MYO1D: variants seen among roughly 807,000 people sequenced by gnomAD.
The protein encoded by MYO1D is unconventional myosin-Id.
A neutral mutation model predicts 122.0 loss-of-function variants in MYO1D; 83 were observed. The observed-to-expected ratio is 0.68, with a 90% confidence interval of 0.57 to 0.82. The LOEUF is 0.82. Among genes scored for constraint, MYO1D ranks in the 40% least tolerant of loss-of-function variants. The pLI, the probability that MYO1D is intolerant of heterozygous loss-of-function variation, is 0.00. For missense variants in MYO1D, 1,157 were observed against 1,269.5 expected (o/e 0.91, Z 1.35); for synonymous variants, 464 against 446.9 (o/e 1.04, Z -0.48).
intron 20 of MYO1D, among the ~76,000 whole-genome samples, chr17:32,622,897 C>T (rs1597943885): frequency 1.3e-5 from 2 of 152,346 alleles, no homozygotes; most frequent in South Asian, 2.1e-4. Flanking sequence ...AATTCAACAA[C>T]CACCCATCTG....
intron 16 of MYO1D, among the ~76,000 whole-genome samples, chr17:32,669,865 C>A (rs78031038): frequency 6.6e-6 from 1 of 151,632 alleles, no homozygotes; most frequent in Non-Finnish European, 1.5e-5. Flanking sequence ...AAGAGGCATA[C>A]ACATTTGTCA....
Position 32,738,333 on chromosome 17 carries a change from C to T in MYO1D, c.1666G>A (p.Glu556Lys), listed in dbSNP as rs1415556124. Residue 556 changes from glutamate (E) to lysine (K), a missense_variant, in exon 14 of 22, where the codon GAG (glutamate) becomes AAG (lysine). Glu to Lys is a moderately conservative substitution (Grantham distance 56, BLOSUM62 1). Transcript: ENST00000318217. ...MWPEGKLSIT[E>K]VTKRPLTAAT... ...GCAGTCAGAGGTCGCTTGGTCACCTCTGTAATGCTCAGTTTGCCTTCAGGC... is the reference window on the plus strand; with the variant it reads ...GCAGTCAGAGGTCGCTTGGTCACCTTTGTAATGCTCAGTTTGCCTTCAGGC... 6.2e-7 allele frequency: 1 copy of T among 1,607,736 alleles called. No homozygotes were observed. Among genetic ancestry groups the T allele is most frequent in the Non-Finnish European group, 8.5e-7 (1 of 1,177,294 alleles).
intron 5 of MYO1D, among the ~76,000 whole-genome samples, 176 bp downstream of exon 5, chr17:32,772,613 T>A (rs2090125945): frequency 6.6e-6 from 1 of 152,204 alleles, no homozygotes; most frequent in South Asian, 2.1e-4. Flanking sequence ...GTTCATCCAA[T>A]CTCTTAAGCA....
At chr17:32,776,228 A>C (rs1473961477) in intron 3 of MYO1D, among the ~76,000 whole-genome samples, 199 bp from the exon 4 acceptor site, 1 of 152,222 alleles carries the variant, frequency 6.6e-6, no homozygotes, top group Non-Finnish European at 1.5e-5. Flanking sequence ...CAATATAATG[A>C]AATACTATAC....
chr17:32,690,127 T>C (rs1306158285), intron 16 of MYO1D, among the ~76,000 whole-genome samples: 1 of 152,122 alleles, frequency 6.6e-6, no homozygotes, highest in African/African-American at 2.4e-5. Context: ...GTTACATACA[T>C]AGAATGTATA....
intron 17 of MYO1D, chr17:32,658,649 C>T (rs957736797): frequency 1.3e-5 from 2 of 152,898 alleles, no homozygotes; most frequent in Admixed American, 1.3e-4. Flanking sequence ...TCTGCCTGGG[C>T]CCCACCCCTC....
At chr17:32,814,161 T>G (rs1157407314) in intron 1 of MYO1D, among the ~76,000 whole-genome samples, 4 of 152,222 alleles carry the variant, frequency 2.6e-5, no homozygotes, top group Admixed American at 6.5e-5. Context: ...CTGGTCAACA[T>G]GGTAAAACCC....
intron 19 of MYO1D, 31 bp downstream of exon 19, chr17:32,653,812 T>C: frequency 6.4e-7 from 1 of 1,570,980 alleles, no homozygotes; most frequent in Non-Finnish European, 8.8e-7. Context: ...GTCTTTCCTT[T>C]CCAAGATGAT....
intron 1 of MYO1D, chr17:32,862,768 T>C (rs771107596): frequency 8.5e-5 from 13 of 152,248 alleles, no homozygotes; most frequent in Non-Finnish European, 1.3e-4. Flanking sequence ...TTTGGATAAG[T>C]TGTAATACAT....
intron 21 of MYO1D, among the ~76,000 whole-genome samples, chr17:32,573,906 C>T (rs775524104): frequency 2.0e-5 from 3 of 152,076 alleles, no homozygotes; most frequent in Non-Finnish European, 4.4e-5. Context: ...GGCTGGAGTG[C>T]AGTGGCGCAA....
chr17:32,657,591 C>G (rs1017710225), intron 17 of MYO1D, among the ~76,000 whole-genome samples: 1 of 152,218 alleles, frequency 6.6e-6, no homozygotes, highest in African/African-American at 2.4e-5. Context: ...TGTGCACGCA[C>G]GTGTGCGTAT....
intron 8 of MYO1D, among the ~76,000 whole-genome samples, chr17:32,764,354 C>T (rs1395461616): frequency 6.6e-6 from 1 of 152,088 alleles, no homozygotes; most frequent in Non-Finnish European, 1.5e-5. Flanking sequence ...TGATCCACTG[C>T]AAAGCGTGGT....
intron 19 of MYO1D, among the ~76,000 whole-genome samples, chr17:32,639,702 G>C (rs1199200222): frequency 3.9e-5 from 6 of 151,916 alleles, no homozygotes; most frequent in Admixed American, 3.9e-4. Context: ...AGCTAGACTT[G>C]GATACTAATC....
chr17:32,690,049 C>A (rs896100162), intron 16 of MYO1D, among the ~76,000 whole-genome samples: 1 of 152,072 alleles, frequency 6.6e-6, no homozygotes, highest in Non-Finnish European at 1.5e-5. Context: ...TGTATAGATA[C>A]ATCATAACTT....
chr17:32,694,569 C>T (rs956015007), intron 16 of MYO1D, among the ~76,000 whole-genome samples: 6 of 151,374 alleles, frequency 4.0e-5, no homozygotes, highest in Non-Finnish European at 7.4e-5. Context: ...GGCGCGGTGG[C>T]GGGCGCCTGT....
intron 1 of MYO1D, among the ~76,000 whole-genome samples, chr17:32,786,200 T>C (rs1234489512): frequency 8.5e-5 from 13 of 152,222 alleles, no homozygotes; most frequent in Non-Finnish European, 2.9e-5. Flanking sequence ...TAAGTCCCAT[T>C]TGACACTTCT....
chr17:32,562,218 C>T (rs984124458), intron 21 of MYO1D, among the ~76,000 whole-genome samples: 4 of 151,608 alleles, frequency 2.6e-5, no homozygotes, highest in East Asian at 2.0e-4. Flanking sequence ...CTGATACGCT[C>T]GTTCTTTCAA....
chr17:32,671,510 T>C (rs933303098), intron 16 of MYO1D, among the ~76,000 whole-genome samples: 1 of 152,248 alleles, frequency 6.6e-6, no homozygotes, highest in Non-Finnish European at 1.5e-5. Flanking sequence ...AATCTAAAAT[T>C]ATTTCAAAAT....
chr17:32,795,176 C>G (rs8078426), intron 1 of MYO1D, among the ~76,000 whole-genome samples: 100,980 of 151,864 alleles, frequency 0.66, 33,716 homozygotes, highest in Middle Eastern at 0.78. Context: ...ACCTGAGAGA[C>G]ATCCAAGTGA....
Sources: gnomAD v4.1 joint callset for allele counts (sites outside exome capture counted in the v4.1 genomes callset) on GRCh38, gnomAD v4.1.1 for gene constraint, MANE v1.5 for transcripts, NCBI Gene and HGNC (gene_info 2026-07-23, HGNC 2026-07-21) for gene names.